IGF2BP2: variants seen among roughly 807,000 people sequenced by gnomAD.
IGF2BP2 encodes the protein insulin like growth factor 2 mRNA binding protein 2, also known as insulin-like growth factor 2 mRNA-binding protein 2.
In IGF2BP2, 17 loss-of-function variants were observed where a neutral mutation model predicts 75.8. The ratio of observed to expected loss-of-function variants is 0.22; its 90% CI spans 0.15 to 0.34. The LOEUF (loss-of-function observed/expected upper bound fraction) is 0.34. Ranked by LOEUF, IGF2BP2 falls within the 10% of genes least tolerant of loss-of-function variation. The pLI, the probability that IGF2BP2 is intolerant of heterozygous loss-of-function variation, is 1.00. For synonymous variants in IGF2BP2, 288 were observed against 295.6 expected, an observed-to-expected ratio of 0.97 and a Z score of 0.26; for missense variants, 516 against 772.4, an observed-to-expected ratio of 0.67 and a Z score of 3.93.
chr3:185,764,147 G>A (rs1732746669), intron 2 of IGF2BP2, among the ~76,000 whole-genome samples: 1 of 151,092 alleles, frequency 6.6e-6, no homozygotes, highest in Non-Finnish European at 1.5e-5. Flanking sequence ...ACTATTATAT[G>A]TCTATTATAT....
chr3:185,799,261 G>A (rs1737857633), intron 2 of IGF2BP2, among the ~76,000 whole-genome samples: 1 of 151,892 alleles, frequency 6.6e-6, no homozygotes, highest in African/African-American at 2.4e-5. Context: ...GCCAAGGTGT[G>A]GTGTCATGTG....
At chr3:185,816,960 G>T (rs1159743084) in intron 2 of IGF2BP2, among the ~76,000 whole-genome samples, 1 of 152,102 alleles carries the variant, frequency 6.6e-6, no homozygotes, top group Non-Finnish European at 1.5e-5. Context: ...ATGACAATAA[G>T]AAAAACTGAA....
rs1188750711 is a variant in IGF2BP2 at position 185,766,744 on chromosome 3, A to G, written c.239+56409T>C. ...AATACTTTATAGTTTTCCCTGGTAT[A>G]TTCACACCTATTACTTTCATTTTAT... is the stretch of plus-strand genomic sequence containing the variant. On this transcript the variant is annotated intron_variant, in intron 2 of 15. Transcript: ENST00000382199. Among the ~76,000 whole-genome samples the G allele has an allele frequency of 2.0e-5, 3 of 152,200 alleles. No homozygotes were observed. The East Asian group carries it at 5.8e-4, about 29-fold the overall frequency.
intron 2 of IGF2BP2, among the ~76,000 whole-genome samples, chr3:185,726,167 A>G (rs1430085934): frequency 6.6e-6 from 1 of 152,152 alleles, no homozygotes; most frequent in African/African-American, 2.4e-5. Flanking sequence ...TGCGATCATC[A>G]TTAGTGCCAA....
At chr3:185,751,762 A>T (rs1731001542) in intron 2 of IGF2BP2, among the ~76,000 whole-genome samples, 1 of 152,140 alleles carries the variant, frequency 6.6e-6, no homozygotes, top group Non-Finnish European at 1.5e-5. Flanking sequence ...CAAGAGATTG[A>T]GACCATCCTG....
At chr3:185,648,298 C>A (rs1055244155) in intron 14 of IGF2BP2, among the ~76,000 whole-genome samples, 3 of 151,758 alleles carry the variant, frequency 2.0e-5, no homozygotes, top group Non-Finnish European at 1.5e-5. Context: ...CCCGTCTATA[C>A]TAAAAATATA....
At chr3:185,754,614 C>T (rs1024794635) in intron 2 of IGF2BP2, among the ~76,000 whole-genome samples, 1 of 152,042 alleles carries the variant, frequency 6.6e-6, no homozygotes, top group African/African-American at 2.4e-5. Context: ...TTCTTAAAGA[C>T]TGGTTAAATG....
At chr3:185,785,278 G>C (rs1368977208) in intron 2 of IGF2BP2, among the ~76,000 whole-genome samples, 3 of 145,212 alleles carry the variant, frequency 2.1e-5, no homozygotes, top group Non-Finnish European at 4.5e-5. Context: ...TCCAGCCTGG[G>C]CAACAGAGTG....
intron 7 of IGF2BP2, among the ~76,000 whole-genome samples, chr3:185,682,701 C>T (rs1037450891): frequency 2.0e-5 from 3 of 152,178 alleles, no homozygotes; most frequent in Non-Finnish European, 2.9e-5. Flanking sequence ...TATCACCAAT[C>T]GCTAATCATC....
At chr3:185,760,357 A>AT (rs1732194985) in intron 2 of IGF2BP2, among the ~76,000 whole-genome samples, 2 of 152,146 alleles carry the variant, frequency 1.3e-5, no homozygotes, top group Non-Finnish European at 2.9e-5. Flanking sequence ...CTCTTTTGTA[A>AT]TTGCATACTT....
At chr3:185,740,838 C>A (rs962004882) in intron 2 of IGF2BP2, among the ~76,000 whole-genome samples, 1 of 152,176 alleles carries the variant, frequency 6.6e-6, no homozygotes, top group East Asian at 1.9e-4. Flanking sequence ...AGAGTAGCTG[C>A]AAGTTGAGGA....
At chr3:185,732,172 C>T (rs1461645766) in intron 2 of IGF2BP2, among the ~76,000 whole-genome samples, 1 of 152,170 alleles carries the variant, frequency 6.6e-6, no homozygotes, top group African/African-American at 2.4e-5. Context: ...ACACTAAGCA[C>T]ATGGCTCTGA....
intron 10 of IGF2BP2, among the ~76,000 whole-genome samples, chr3:185,660,380 G>A (rs759434826): frequency 2.0e-5 from 3 of 152,152 alleles, no homozygotes; most frequent in African/African-American, 7.2e-5. Context: ...TCCATCCCCC[G>A]AATCTCCTGA....
chr3:185,750,563 A>G (rs1730830307), intron 2 of IGF2BP2, among the ~76,000 whole-genome samples: 1 of 152,132 alleles, frequency 6.6e-6, no homozygotes, highest in Admixed American at 6.5e-5. Context: ...GGACTTCTAC[A>G]GTTCTCTACG....
At chr3:185,795,119 G>C (rs916609582) in intron 2 of IGF2BP2, among the ~76,000 whole-genome samples, 8 of 151,928 alleles carry the variant, frequency 5.3e-5, no homozygotes, top group Admixed American at 4.6e-4. Context: ...GGATGGTCTC[G>C]ATCTCCTGAC....
Position 185,649,466 on chromosome 3 carries a change from C to T in IGF2BP2, c.1530G>A (p.Leu510=), listed in dbSNP as rs1282390623. ...NFFNPKEEVK[L]EAHIRVPSST... ...AAGAGGGCACTCTGATATGCGCTTC[C>T]AGCTTCACTTCTTCTTTGGGGTTAA... Residue 510 remains leucine, a synonymous_variant, in exon 14 of 16, where the codon CTG becomes CTA. Coordinates refer to ENST00000382199, the MANE Select transcript of IGF2BP2 (RefSeq NM_006548.6). 4.3e-6 allele frequency: 7 copies of T among 1,614,162 alleles called. No homozygotes were observed. The East Asian group carries it at 6.7e-5, about 15-fold the overall frequency.
At chr3:185,720,847 G>A (rs932369797) in intron 2 of IGF2BP2, among the ~76,000 whole-genome samples, 7 of 152,236 alleles carry the variant, frequency 4.6e-5, no homozygotes, top group African/African-American at 1.7e-4. Flanking sequence ...TAATCAGTAA[G>A]AAATTCTGAA....
intron 2 of IGF2BP2, among the ~76,000 whole-genome samples, chr3:185,805,190 G>C (rs941205576): frequency 2.0e-5 from 3 of 151,888 alleles, no homozygotes; most frequent in African/African-American, 7.3e-5. Flanking sequence ...GTAAACACAG[G>C]TTTTACTGGA....
intron 10 of IGF2BP2, among the ~76,000 whole-genome samples, chr3:185,662,521 C>G (rs1307280436): frequency 7.0e-6 from 1 of 143,510 alleles, no homozygotes; most frequent in Non-Finnish European, 1.5e-5. Context: ...CTTATCAGAG[C>G]ATACTATTTC....
Sources: allele counts gnomAD v4.1 joint callset (sites outside exome capture counted in the v4.1 genomes callset), GRCh38; gene constraint gnomAD v4.1.1; transcripts MANE v1.5; gene names NCBI Gene and HGNC (gene_info 2026-07-23, HGNC 2026-07-21).